Variants in POU2F2 observed in about 807,000 individuals in gnomAD.
POU2F2 encodes POU class 2 homeobox 2, also known as POU domain, class 2, transcription factor 2.
In POU2F2, 14 loss-of-function variants were observed where a neutral mutation model predicts 63.5. The ratio of observed to expected loss-of-function variants is 0.22; its 90% CI spans 0.15 to 0.34. POU2F2 has a LOEUF of 0.34. Among genes scored for constraint, POU2F2 ranks in the 10% least tolerant of loss-of-function variants. POU2F2 has a pLI of 1.00. For synonymous variants in POU2F2, 306 were observed against 348.6 expected (o/e 0.88, Z 1.36); for missense variants, 607 against 815.2 (o/e 0.74, Z 3.11).
At chr19:42,171,350 A>G (rs1010175457) in intron 1 of POU2F2, among the ~76,000 whole-genome samples, 2 of 151,660 alleles carry the variant, frequency 1.3e-5, no homozygotes, top group African/African-American at 4.9e-5. Flanking sequence ...GGGGATAGGA[A>G]GTCAGCAGCT....
rs1427907649 is a variant in POU2F2 at position 42,162,675 on chromosome 19, G to A, written c.-69-2283C>T. Among the ~76,000 whole-genome samples the A allele has an allele frequency of 2.0e-5, 3 of 152,156 alleles. No homozygotes were observed. The highest frequency in any genetic ancestry group is 6.5e-5 in the Admixed American group (1 of 15,280). ...TATATAATGGTTTGCTGTGTCCTGG[G>A]GTCAGTTTGCCATGTACATGGCAGA... is the stretch of plus-strand genomic sequence containing the variant. On this transcript the variant is annotated intron_variant, in intron 1 of 6. Coordinates refer to the POU2F2 transcript ENST00000524801. The surrounding 1 kb of genome is among the most constrained non-coding windows in gnomAD (Gnocchi z 4.1).
In POU2F2 at chr19:42,093,858, G is replaced by A; in HGVS notation, c.1235C>T (p.Ser412Phe). The change falls in exon 12 of 15, where the codon TCC (serine) becomes TTC (phenylalanine). Residue 412 changes from serine (S) to phenylalanine (F), a missense_variant. Around this residue, in one of 7 missense-constraint regions of POU2F2, gnomAD observed 270 missense variants for 307.5 expected, o/e 0.88. Coordinates refer to ENST00000692977, the MANE Select transcript of POU2F2 (RefSeq NM_001394376.1). ...PQGGAGTLPL[S>F]QASSSLSTTV... ...TGTGCTCAGACTGCTGGAAGCTTGG[G>A]ACAACGGTAAGGTCCCCGCGCCCCC... 1 of 1,612,058 alleles carries A rather than the reference G, an allele frequency of 6.2e-7. No homozygotes were observed. The highest frequency in any genetic ancestry group is 8.5e-7 in the Non-Finnish European group (1 of 1,178,468).
intron 1 of POU2F2, among the ~76,000 whole-genome samples, chr19:42,181,782 T>C (rs2034963770): frequency 1.3e-5 from 2 of 152,100 alleles, no homozygotes; most frequent in South Asian, 4.1e-4. Flanking sequence ...GAGACGGGGT[T>C]TCACCATGTT....
intron 1 of POU2F2, among the ~76,000 whole-genome samples, chr19:42,170,775 C>A (rs2146800917): frequency 6.6e-6 from 1 of 152,382 alleles, no homozygotes; most frequent in Middle Eastern, 3.4e-3. Context: ...TGGATCCAGG[C>A]TGGGAAACCC....
At chr19:42,110,686 C>T (rs1250442098) in intron 5 of POU2F2, 1 of 455,498 alleles carries the variant, frequency 2.2e-6, no homozygotes, top group Non-Finnish European at 4.4e-6. Flanking sequence ...TCACACACCT[C>T]AGGCCGTTCC....
chr19:42,089,836 G>C lies in POU2F2; in HGVS notation c.*1421C>G, dbSNP rs2076658755. 6.6e-6 allele frequency: 1 copy of C among 151,882 alleles called. No individual in the cohort carries two copies. Among genetic ancestry groups the C allele is most frequent in the Non-Finnish European group, 1.5e-5 (1 of 68,010 alleles). The allele number at this position is 151,882 out of a possible 1,614,324, so 9.4% of individuals were successfully genotyped here. A position where few individuals can be genotyped will look rare whatever the true frequency, so the allele number is the denominator to read the frequency against. On this transcript the variant is annotated 3_prime_UTR_variant, in exon 15 of 15. Transcript: ENST00000692977. ...AACTTTGTTGGCCTCCACAATAGCA[G>C]GAGGGCAGGGTGGCTCCCAGTGGTG...
At position 42,087,938 on chromosome 19, in the gene POU2F2, A is replaced by G. The variant is rs2076599049; in HGVS notation, c.*3319T>C. 6.6e-6 allele frequency: 1 copy of G among 152,282 alleles called. No individual in the cohort carries two copies. Among genetic ancestry groups the G allele is most frequent in the African/African-American group, 2.4e-5 (1 of 41,444 alleles). The allele number at this position is 152,282 out of a possible 1,614,324, so 9.4% of individuals were successfully genotyped here. On this transcript the variant is annotated 3_prime_UTR_variant, in exon 15 of 15. Transcript: ENST00000692977. ...GAGATAGTTTTGTTTCCCGGAGTCG[A>G]GACGGGGGACCAGAGTGTAAGGGGC... is the stretch of plus-strand genomic sequence containing the variant.
chr19:42,117,053 G>A lies in POU2F2; in HGVS notation c.369+197C>T, dbSNP rs2032005079. 1.5e-6 allele frequency: 1 copy of A among 667,964 alleles called. No individual in the cohort carries two copies. The highest frequency in any genetic ancestry group is 2.3e-5 in the Admixed American group (1 of 43,070). The allele number at this position is 667,964 out of a possible 1,614,324, so 41.4% of individuals were successfully genotyped here. A position where few individuals can be genotyped will look rare whatever the true frequency, so the allele number is the denominator to read the frequency against. ...GGAATTGGAGCAAGGGGTTGAAGAG[G>A]AGCAGAGAAGGCAGAGAGGGGTTAG... On this transcript the variant is annotated intron_variant, in intron 5 of 14. Transcript: ENST00000692977. The surrounding 1 kb of genome is among the most constrained non-coding windows in gnomAD (Gnocchi z 4.4).
chr19:42,186,406 G>A (rs887402139), intron 1 of POU2F2, among the ~76,000 whole-genome samples: 3 of 152,146 alleles, frequency 2.0e-5, no homozygotes, highest in Non-Finnish European at 4.4e-5. Context: ...TAAAATTGGA[G>A]GGAAGCATGA....
chr19:42,139,150 C>A (rs1212033593), intron 2 of POU2F2, among the ~76,000 whole-genome samples: 2 of 152,120 alleles, frequency 1.3e-5, no homozygotes, highest in African/African-American at 4.8e-5. Context: ...AAAACCCCAT[C>A]TCTACTGAAA....
rs1427039134 is a variant in POU2F2 at position 42,090,349 on chromosome 19, G to A, written c.*908C>T. On this transcript the variant is annotated 3_prime_UTR_variant, in exon 15 of 15. Transcript: ENST00000692977. The surrounding 1 kb of genome is among the most constrained non-coding windows in gnomAD (Gnocchi z 4.4). ...AGTTCCAGAGCAGAGGAGGGTGACA[G>A]GGTTGAGGAGGGACTTGTGAGAGCT... is the stretch of plus-strand genomic sequence containing the variant. 1 of 152,650 alleles carries A rather than the reference G, an allele frequency of 6.6e-6. No individual in the cohort carries two copies. Among genetic ancestry groups the A allele is most frequent in the African/African-American group, 2.4e-5 (1 of 41,450 alleles). 9.5% of individuals were successfully genotyped at this position (152,650 alleles called of 1,614,324 possible). A position where few individuals can be genotyped will look rare whatever the true frequency, so the allele number is the denominator to read the frequency against.
At chr19:42,104,952 A>G (rs540206883) in intron 5 of POU2F2, among the ~76,000 whole-genome samples, 1 of 152,224 alleles carries the variant, frequency 6.6e-6, no homozygotes, top group South Asian at 2.1e-4. Context: ...TCTTGCTGCT[A>G]ATCATCTCAG....
chr19:42,111,286 AT>A lies in POU2F2; in HGVS notation c.369+5963del, dbSNP rs879324450. 7.0e-3 allele frequency among the ~76,000 whole-genome samples: 1,029 copies of A among 146,212 alleles called. 5 individuals are homozygous for A. The highest frequency in any genetic ancestry group is 0.011 in the Non-Finnish European group (735 of 66,092). ...GGGCATGCATCACCACACCTGGTTA[AT>A]TTTTTTTTTTTAAGATACAGGGTCT... On this transcript the variant is annotated intron_variant, in intron 5 of 14. Coordinates refer to ENST00000692977, the MANE Select transcript of POU2F2 (RefSeq NM_001394376.1).
chr19:42,175,236 G>A (rs1401797622), intron 1 of POU2F2, among the ~76,000 whole-genome samples: 1 of 152,036 alleles, frequency 6.6e-6, no homozygotes, highest in East Asian at 1.9e-4. Context: ...AGAACCCAGG[G>A]GACAGACCCA....
chr19:42,144,021 T>C (rs543201152), intron 2 of POU2F2, among the ~76,000 whole-genome samples: 1 of 152,344 alleles, frequency 6.6e-6, no homozygotes, highest in East Asian at 1.9e-4. Context: ...ACAGGGAGCA[T>C]GTGTGTCCCA....
chr19:42,093,973 C>A, intron 11 of POU2F2, 78 bp from the exon 12 acceptor site: 1 of 1,287,108 alleles, frequency 7.8e-7, no homozygotes. Flanking sequence ...GGACCCCACT[C>A]CTCCGTCCCA....
chr19:42,173,447 G>A (rs770935009), intron 1 of POU2F2, among the ~76,000 whole-genome samples: 2 of 151,964 alleles, frequency 1.3e-5, no homozygotes, highest in African/African-American at 4.8e-5. Flanking sequence ...CCCTTGCTTT[G>A]CTGTCACATT....
Position 42,091,572 on chromosome 19 carries a change from G to T in POU2F2, c.1560C>A (p.Thr520=). The part of the protein sequence containing the change: ...ATIQALASGG[T]LPLTSLDGSG... ...TGCCATCAAGGCTGGTAAGGGGCAG[G>T]GTTCCACCAGAGGCCAGGGCTGGCG... Residue 520 remains threonine (T), a synonymous_variant, in exon 15 of 15, where the codon ACC becomes ACA. Transcript: ENST00000692977. 1 of 1,553,740 alleles carries T rather than the reference G, an allele frequency of 6.4e-7. No individual in the cohort carries two copies. The highest frequency in any genetic ancestry group is 1.4e-5 in the African/African-American group (1 of 73,742).
Position 42,091,608 on chromosome 19 carries a change from G to A in POU2F2, c.1541-17C>T. 4 of 1,541,554 alleles carry A rather than the reference G, an allele frequency of 2.6e-6. No homozygotes were observed. The highest frequency in any genetic ancestry group is 3.5e-6 in the Non-Finnish European group (4 of 1,140,726). On this transcript the variant is annotated splice_polypyrimidine_tract_variant and intron_variant, in intron 14 of 14. Transcript: ENST00000692977. ...AGGCCAGGGCTGGCGGGGAGAGAGAGAGGCTGGGCTAAGGGCATGCCGGGC... is the reference window on the plus strand; with the variant it reads ...AGGCCAGGGCTGGCGGGGAGAGAGAAAGGCTGGGCTAAGGGCATGCCGGGC...
Sources: gnomAD v4.1 joint callset for allele counts (sites outside exome capture counted in the v4.1 genomes callset) on GRCh38, gnomAD v4.1.1 for gene constraint, gnomAD v4.1.1 regional missense constraint, Gnocchi (gnomAD v3.1) non-coding constraint, MANE v1.5 for transcripts, NCBI Gene and HGNC (gene_info 2026-07-23, HGNC 2026-07-21) for gene names.